Variants in ARNT2 observed in about 807,000 individuals in gnomAD.
The protein encoded by ARNT2 is ARNT protein 2.
A neutral mutation model predicts 91.7 loss-of-function variants in ARNT2; 36 were observed. The ratio of observed to expected loss-of-function variants is 0.39; its 90% CI spans 0.30 to 0.52. The LOEUF (loss-of-function observed/expected upper bound fraction) is 0.52. ARNT2 is among the 20% of genes least tolerant of loss of function. The pLI is 0.72. For missense variants in ARNT2, 775 were observed against 939.3 expected, an observed-to-expected ratio of 0.83 and a Z score of 2.29; for synonymous variants, 365 against 347.1, an observed-to-expected ratio of 1.05 and a Z score of -0.57.
intron 1 of ARNT2, among the ~76,000 whole-genome samples, chr15:80,431,563 G>C (rs1896011499): frequency 6.6e-6 from 1 of 152,212 alleles, no homozygotes; most frequent in Admixed American, 6.5e-5. Flanking sequence ...GGCCGTAGTA[G>C]GGGAGTGGGC....
chr15:80,536,538 C>T lies in ARNT2; in HGVS notation c.878-14661C>T, dbSNP rs527672575. On this transcript the variant is annotated intron_variant, in intron 8 of 18. Transcript: ENST00000303329. ...ATTGACACAGCTGCTGATATTCACCCGTGCAAGCTTCCAGCTTCCTTGTCT... is the reference window on the plus strand; with the variant it reads ...ATTGACACAGCTGCTGATATTCACCTGTGCAAGCTTCCAGCTTCCTTGTCT... Among the ~76,000 whole-genome samples the T allele has an allele frequency of 9.2e-5, 14 of 152,326 alleles. No homozygotes were observed. In the East Asian group the frequency reaches 2.3e-3, roughly 25 times the overall value.
At chr15:80,409,166 A>G (rs1296402920) in intron 1 of ARNT2, among the ~76,000 whole-genome samples, 2 of 152,214 alleles carry the variant, frequency 1.3e-5, no homozygotes, top group African/African-American at 4.8e-5. Context: ...TATGACTTAT[A>G]TCTACCGTTA....
intron 2 of ARNT2, among the ~76,000 whole-genome samples, chr15:80,452,097 G>A (rs886318593): frequency 3.3e-5 from 5 of 152,212 alleles, no homozygotes; most frequent in African/African-American, 1.2e-4. Context: ...GGGATGGAGT[G>A]TGGCTAGAAT....
chr15:80,430,103 G>GT (rs1895987789), intron 1 of ARNT2, among the ~76,000 whole-genome samples: 1 of 152,160 alleles, frequency 6.6e-6, no homozygotes, highest in Non-Finnish European at 1.5e-5. Flanking sequence ...GTCACTCTAG[G>GT]TCTTCTCCCG....
chr15:80,514,104 G>A (rs1276863531), intron 7 of ARNT2, 128 bp downstream of exon 7: 1 of 1,022,536 alleles, frequency 9.8e-7, no homozygotes, highest in African/African-American at 1.6e-5. Flanking sequence ...ACATCAGGGT[G>A]GCAGTGGCAG....
chr15:80,542,537 G>A (rs751849818), intron 8 of ARNT2, among the ~76,000 whole-genome samples: 16 of 152,146 alleles, frequency 1.1e-4, no homozygotes, highest in Non-Finnish European at 1.8e-4. Context: ...AAGTCACATA[G>A]TGTCACTTCC....
chr15:80,470,559 T>C (rs1896719282), intron 4 of ARNT2, 128 bp downstream of exon 4: 1 of 1,084,378 alleles, frequency 9.2e-7, no homozygotes, highest in African/African-American at 1.6e-5. Flanking sequence ...TTTGTTTCCA[T>C]TTTTCTCCAA....
intron 1 of ARNT2, among the ~76,000 whole-genome samples, chr15:80,439,435 T>A (rs752407454): frequency 9.2e-5 from 14 of 152,118 alleles, no homozygotes; most frequent in Non-Finnish European, 1.8e-4. Context: ...AAATAATAGG[T>A]TTTGGGCAAA....
At chr15:80,505,799 A>G (rs932730234) in intron 5 of ARNT2, among the ~76,000 whole-genome samples, 2 of 152,164 alleles carry the variant, frequency 1.3e-5, no homozygotes, top group Non-Finnish European at 2.9e-5. Context: ...TTGGACAGGA[A>G]GAAGAATTTG....
chr15:80,544,465 T>G (rs979932704), intron 8 of ARNT2, among the ~76,000 whole-genome samples: 1 of 152,212 alleles, frequency 6.6e-6, no homozygotes, highest in African/African-American at 2.4e-5. Context: ...TTTTGTTTTT[T>G]TCTTTGTTTG....
At chr15:80,582,926 A>T (rs1044326258) in intron 17 of ARNT2, among the ~76,000 whole-genome samples, 1 of 151,830 alleles carries the variant, frequency 6.6e-6, no homozygotes, top group South Asian at 2.1e-4. Flanking sequence ...GTGTGGAGAG[A>T]CCCCTTCACC....
intron 8 of ARNT2, among the ~76,000 whole-genome samples, chr15:80,545,464 G>T (rs1897976257): frequency 6.6e-6 from 1 of 152,194 alleles, no homozygotes; most frequent in African/African-American, 2.4e-5. Context: ...GAAGACTTTT[G>T]ATTTGTGTTT....
At chr15:80,427,281 CA>C (rs1895947635) in intron 1 of ARNT2, among the ~76,000 whole-genome samples, 1 of 152,144 alleles carries the variant, frequency 6.6e-6, no homozygotes, top group South Asian at 2.1e-4. Context: ...GACTTATGCA[CA>C]GGAGTTTTGT....
intron 7 of ARNT2, 45 bp downstream of exon 7, chr15:80,514,021 T>C (rs1174215042): frequency 6.5e-7 from 1 of 1,544,328 alleles, no homozygotes; most frequent in Non-Finnish European, 8.9e-7. Flanking sequence ...TTCTGGTAGA[T>C]AGTCTAAACA....
chr15:80,584,613 C>T (rs1898859650), intron 17 of ARNT2, among the ~76,000 whole-genome samples: 1 of 152,192 alleles, frequency 6.6e-6, no homozygotes, highest in South Asian at 2.1e-4. Flanking sequence ...AATTATTAAA[C>T]ACAAAGCAGG....
At position 80,591,635 on chromosome 15, in the gene ARNT2, C is replaced by A; in HGVS notation, c.1986C>A (p.Ser662Arg). The change falls in exon 18 of 19, where the codon AGC (serine) becomes AGA (arginine). Residue 662 changes from serine to arginine, a missense_variant. This residue lies in a region of ARNT2 where 325 missense variants were observed against 359.9 expected (regional missense o/e 0.90). Transcript: ENST00000303329. This position sits in a 1 kb window ranked among gnomAD's most constrained non-coding sequence, Gnocchi z 5.1. ...CGGAAGTCTGGTCGCAGTGGCAAAG[C>A]CAGCACCATGGCCAGCAGAGCGGTG... ...RPSEVWSQWQ[S>R]QHHGQQSGEQ... The A allele has an allele frequency of 6.2e-7, 1 of 1,614,158 alleles. No homozygotes were observed. Among genetic ancestry groups the A allele is most frequent in the Non-Finnish European group, 8.5e-7 (1 of 1,180,010 alleles).
chr15:80,407,044 A>T (rs1365692631), intron 1 of ARNT2, among the ~76,000 whole-genome samples: 1 of 152,224 alleles, frequency 6.6e-6, no homozygotes, highest in Non-Finnish European at 1.5e-5. Context: ...AGCCTACCTC[A>T]CATGGGCTTG....
chr15:80,534,464 G>T (rs940312906), intron 8 of ARNT2, among the ~76,000 whole-genome samples: 1 of 152,088 alleles, frequency 6.6e-6, no homozygotes, highest in Non-Finnish European at 1.5e-5. Flanking sequence ...GTTATGAATA[G>T]TCCCCCTTCC....
intron 5 of ARNT2, among the ~76,000 whole-genome samples, chr15:80,485,026 G>C (rs778867823): frequency 1.3e-5 from 2 of 152,168 alleles, no homozygotes; most frequent in Non-Finnish European, 2.9e-5. Context: ...ATGACATATG[G>C]GATAGTATTA....
Sources: allele counts gnomAD v4.1 joint callset (sites outside exome capture counted in the v4.1 genomes callset), GRCh38; gene constraint gnomAD v4.1.1; regional missense constraint gnomAD v4.1.1; non-coding constraint Gnocchi (gnomAD v3.1); transcripts MANE v1.5; gene names NCBI Gene and HGNC (gene_info 2026-07-23, HGNC 2026-07-21).